USP40: variants seen among roughly 807,000 people sequenced by gnomAD.
USP40 encodes ubiquitin carboxyl-terminal hydrolase 40.
In USP40, 143 loss-of-function variants were observed where a neutral mutation model predicts 166.2. That is an observed-to-expected ratio of 0.86 (90% CI 0.75 to 0.99). USP40 has a LOEUF of 0.99. USP40 is among the 50% of genes least tolerant of loss of function. The pLI is 0.00. For synonymous variants in USP40, 498 were observed against 524.0 expected (o/e 0.95, Z 0.68); for missense variants, 1,444 against 1,479.7 (o/e 0.98, Z 0.40).
In USP40 at chr2:233,523,296, CT is replaced by C; in HGVS notation, c.2074del (p.Ser692ValfsTer18). 1 of 1,614,032 alleles carries C rather than the reference CT, an allele frequency of 6.2e-7. No homozygotes were observed. The highest frequency in any genetic ancestry group is 8.5e-7 in the Non-Finnish European group (1 of 1,179,886). Reference sequence around the variant, plus strand: ...ACCCTCCCCACCTGGACATCCAGCACTGTTGATGAAGATGACACCTGCTGGG... The same window carrying C: ...ACCCTCCCCACCTGGACATCCAGCACGTTGATGAAGATGACACCTGCTGGG... ...AIPAGVIFIN[S>X]AGCPGGEGWT... On this transcript the variant is annotated frameshift_variant, in exon 16 of 32. Coordinates refer to ENST00000678225, the MANE Select transcript of USP40 (RefSeq NM_001365479.2). LOFTEE classifies it high-confidence loss of function.
intron 24 of USP40, among the ~76,000 whole-genome samples, chr2:233,494,952 A>ATATG (rs2065623693): frequency 2.4e-4 from 7 of 29,494 alleles, no homozygotes; most frequent in Non-Finnish European, 4.3e-4. Flanking sequence ...ATATATATAT[A>ATATG]TATTTATATA....
chr2:233,477,724 G>A (rs1029321471), intron 31 of USP40, among the ~76,000 whole-genome samples: 3 of 152,360 alleles, frequency 2.0e-5, no homozygotes, highest in South Asian at 2.1e-4. Context: ...CTGGCAGCAC[G>A]GCATGGTTCA....
At chr2:233,477,810 C>T (rs554351535) in intron 31 of USP40, among the ~76,000 whole-genome samples, 68 of 152,336 alleles carry the variant, frequency 4.5e-4, no homozygotes, top group African/African-American at 1.4e-3. Flanking sequence ...ACTTTTTAAA[C>T]GGAAGAATAA....
chr2:233,491,288 A>T, intron 25 of USP40, 27 bp from the exon 26 acceptor site: 4 of 1,522,756 alleles, frequency 2.6e-6, no homozygotes, highest in Non-Finnish European at 2.7e-6. Context: ...CGGGATGTTT[A>T]CAAGGAACTT....
intron 26 of USP40, among the ~76,000 whole-genome samples, chr2:233,490,097 GA>G (rs35945868): frequency 1.2e-4 from 17 of 146,026 alleles, no homozygotes; most frequent in African/African-American, 1.5e-4. Context: ...CTTAATATGA[GA>G]AAAAAAAAGT....
In USP40 at chr2:233,529,472, C is replaced by A; in HGVS notation, c.1512G>T (p.Leu504=). ...CAATGTTAGCTGCATCCATTTCATT[C>A]AGTAAATGACATGGAACCCCATATC... ...NPRYGVPCHL[L]NEMDAANIEL... Residue 504 remains leucine, a synonymous_variant, in exon 12 of 32, where the codon CTG becomes CTT. Coordinates refer to ENST00000678225, the MANE Select transcript of USP40 (RefSeq NM_001365479.2). 1 of 1,584,672 alleles carries A rather than the reference C, an allele frequency of 6.3e-7. No homozygotes were observed. The highest frequency in any genetic ancestry group is 1.2e-5 in the South Asian group (1 of 86,916).
intron 28 of USP40, chr2:233,488,016 A>G (rs540092345): frequency 2.8e-5 from 19 of 690,842 alleles, no homozygotes; most frequent in Admixed American, 1.8e-4. Flanking sequence ...CCTGGTGATT[A>G]CTGAAAAATT....
intron 4 of USP40, among the ~76,000 whole-genome samples, chr2:233,558,732 G>A (rs1331717709): frequency 2.6e-5 from 4 of 152,210 alleles, no homozygotes; most frequent in African/African-American, 4.8e-5. Context: ...CCACTGAACT[G>A]TACCACTTAA....
At position 233,488,122 on chromosome 2, in the gene USP40, C is replaced by G. The variant is rs557326388; in HGVS notation, c.3197+117G>C. On this transcript the variant is annotated intron_variant, in intron 28 of 31. Coordinates refer to ENST00000678225, the MANE Select transcript of USP40 (RefSeq NM_001365479.2). Reference sequence around the variant, plus strand: ...CTAGCACACACTCTGTTTCAAGTTGCTAGGCTACTTAGAAGCAGTGAAAAA... The same window carrying G: ...CTAGCACACACTCTGTTTCAAGTTGGTAGGCTACTTAGAAGCAGTGAAAAA... 9.5e-6 allele frequency: 8 copies of G among 838,266 alleles called. No individual in the cohort carries two copies. The Admixed American group carries it at 1.6e-4, about 17-fold the overall frequency. 51.9% of individuals were successfully genotyped at this position (838,266 alleles called of 1,614,324 possible). A position where few individuals can be genotyped will look rare whatever the true frequency, so the allele number is the denominator to read the frequency against.
chr2:233,548,556 A>G (rs1397445969), intron 8 of USP40, among the ~76,000 whole-genome samples: 2 of 152,168 alleles, frequency 1.3e-5, no homozygotes, highest in Non-Finnish European at 2.9e-5. Context: ...ACTAAATACC[A>G]TGCTTGACAC....
chr2:233,493,980 C>A lies in USP40; in HGVS notation c.2791-429G>T, dbSNP rs2065504868. ...AAACTAAAGGAAATAAACCCATTGT[C>A]TTATACATACCCTGTAATTTCAGTT... is the stretch of plus-strand genomic sequence containing the variant. On this transcript the variant is annotated intron_variant, in intron 24 of 31. Transcript: ENST00000678225. This position sits in a 1 kb window ranked among gnomAD's most constrained non-coding sequence, Gnocchi z 4.7. Among the ~76,000 whole-genome samples, 1 of 152,140 alleles carries A rather than the reference C, an allele frequency of 6.6e-6. No individual in the cohort carries two copies. Among genetic ancestry groups the A allele is most frequent in the Non-Finnish European group, 1.5e-5 (1 of 68,014 alleles).
chr2:233,510,901 A>G (rs2066784691), intron 20 of USP40, among the ~76,000 whole-genome samples: 1 of 152,190 alleles, frequency 6.6e-6, no homozygotes, highest in Non-Finnish European at 1.5e-5. Context: ...TCTCTTATTC[A>G]GTTCCTCATA....
In USP40 at chr2:233,493,633, T is replaced by G; in HGVS notation, c.2791-82A>C. 7.0e-7 allele frequency: 1 copy of G among 1,424,678 alleles called. No homozygotes were observed. Among genetic ancestry groups the G allele is most frequent in the Non-Finnish European group, 9.4e-7 (1 of 1,064,822 alleles). 88.3% of individuals were successfully genotyped at this position (1,424,678 alleles called of 1,614,324 possible). Reference sequence around the variant, plus strand: ...TTTTACTTCCATAGAAAGAAACACCTTGATGACCTAAGATGTTCTTGAACT... The same window carrying G: ...TTTTACTTCCATAGAAAGAAACACCGTGATGACCTAAGATGTTCTTGAACT... On this transcript the variant is annotated intron_variant, in intron 24 of 31. Coordinates refer to ENST00000678225, the MANE Select transcript of USP40 (RefSeq NM_001365479.2). The surrounding 1 kb of genome is among the most constrained non-coding windows in gnomAD (Gnocchi z 4.7).
At chr2:233,510,230 C>T (rs950761179) in intron 20 of USP40, 95 bp from the exon 21 acceptor site, 94 of 899,418 alleles carry the variant, frequency 1.0e-4, no homozygotes, top group Admixed American at 2.3e-4. Context: ...GCCAAGGGCC[C>T]ATGAAACTTT....
chr2:233,525,004 A>C (rs956482226), intron 14 of USP40, among the ~76,000 whole-genome samples: 3 of 152,264 alleles, frequency 2.0e-5, no homozygotes, highest in African/African-American at 7.2e-5. Flanking sequence ...TTTGGCCCAA[A>C]TTAGATGTTA....
Position 233,510,078 on chromosome 2 carries a change from C to T in USP40, c.2584G>A (p.Val862Ile), listed in dbSNP as rs1435677303. ...DVQPGTEMEI[V>I]VEETISVRDC... ...CTCACAGATATTGTTTCTTCTACTA[C>T]GATTTCCATTTCTGTCCCAGGTTGA... The change falls in exon 21 of 32, where the codon GTA (valine) becomes ATA (isoleucine). Residue 862 changes from valine to isoleucine, a missense_variant. By Grantham distance (29) the Val-to-Ile change is conservative. Transcript: ENST00000678225. 5.0e-6 allele frequency: 8 copies of T among 1,600,054 alleles called. No homozygotes were observed. The East Asian group carries it at 6.7e-5, about 13-fold the overall frequency.
In USP40 at chr2:233,486,339, G is replaced by A. The variant is rs528214008; in HGVS notation, c.3198-362C>T. Among the ~76,000 whole-genome samples the A allele has an allele frequency of 6.6e-6, 1 of 152,320 alleles. No individual in the cohort carries two copies. The highest frequency in any genetic ancestry group is 2.1e-4 in the South Asian group (1 of 4,814). On this transcript the variant is annotated intron_variant, in intron 28 of 31. Coordinates refer to ENST00000678225, the MANE Select transcript of USP40 (RefSeq NM_001365479.2). This position sits in a 1 kb window ranked among gnomAD's most constrained non-coding sequence, Gnocchi z 4.0. ...TTGATAGCCCGGCAGCTGGCAGGAG[G>A]AGAGCGGGCTCGAGGTAGGCAGTTA...
chr2:233,551,760 G>C (rs569321940), intron 6 of USP40, among the ~76,000 whole-genome samples: 1 of 152,234 alleles, frequency 6.6e-6, no homozygotes, highest in East Asian at 1.9e-4. Context: ...CTTTAATGTT[G>C]ATATCCTGAA....
chr2:233,504,193 T>C (rs2066259033), intron 21 of USP40, among the ~76,000 whole-genome samples: 2 of 151,922 alleles, frequency 1.3e-5, no homozygotes, highest in Admixed American at 6.6e-5. Flanking sequence ...CTTAGCACCA[T>C]AGACAACCAT....
Sources: gnomAD v4.1 joint callset for allele counts (sites outside exome capture counted in the v4.1 genomes callset) on GRCh38, gnomAD v4.1.1 for gene constraint, Gnocchi (gnomAD v3.1) non-coding constraint, MANE v1.5 for transcripts, NCBI Gene and HGNC (gene_info 2026-07-23, HGNC 2026-07-21) for gene names.